Variants in ELOVL5 observed in about 807,000 individuals in gnomAD.
ELOVL5 encodes ELOVL fatty acid elongase 5, also known as very long chain fatty acid elongase 5.
In ELOVL5, 8 loss-of-function variants were observed where a neutral mutation model predicts 38.6. The ratio of observed to expected loss-of-function variants is 0.21; its 90% CI spans 0.12 to 0.37. The LOEUF is 0.37. Among genes scored for constraint, ELOVL5 ranks in the 10% least tolerant of loss-of-function variants. The probability of loss-of-function intolerance (pLI) is 1.00; values close to 1 mark genes in which losing one functional copy is unlikely to be tolerated. For missense variants in ELOVL5, 280 were observed against 367.8 expected (o/e 0.76, Z 1.95); for synonymous variants, 127 against 133.7 (o/e 0.95, Z 0.34).
chr6:53,309,123 C>T (rs1247620192), intron 1 of ELOVL5, among the ~76,000 whole-genome samples: 1 of 152,144 alleles, frequency 6.6e-6, no homozygotes, highest in African/African-American at 2.4e-5. Context: ...AGATCCATAA[C>T]ACCATTACTA....
chr6:53,324,691 A>AAAAAACAAC (rs70980840), intron 1 of ELOVL5, among the ~76,000 whole-genome samples: 1 of 118,060 alleles, frequency 8.5e-6, no homozygotes, highest in Non-Finnish European at 1.7e-5. Context: ...AAAAAAAAAA[A>AAAAAACAAC]GGAAAAGAAA....
intron 5 of ELOVL5, among the ~76,000 whole-genome samples, chr6:53,274,505 G>A (rs895977917): frequency 2.0e-5 from 3 of 152,164 alleles, no homozygotes; most frequent in African/African-American, 7.2e-5. Flanking sequence ...AAAACTCCCA[G>A]GCTGAATCTG....
intron 1 of ELOVL5, among the ~76,000 whole-genome samples, chr6:53,304,498 G>C (rs1031640748): frequency 1.3e-5 from 2 of 151,928 alleles, no homozygotes; most frequent in Admixed American, 1.3e-4. Flanking sequence ...TCGCAGAGGG[G>C]GATTTGGCAG....
intron 6 of ELOVL5, among the ~76,000 whole-genome samples, chr6:53,272,082 C>T (rs1765949443): frequency 6.6e-6 from 1 of 152,168 alleles, no homozygotes; most frequent in Non-Finnish European, 1.5e-5. Flanking sequence ...AAACATCAAA[C>T]ACTTCAGTCT....
At chr6:53,299,179 A>C (rs567471668) in intron 1 of ELOVL5, among the ~76,000 whole-genome samples, 15 of 152,374 alleles carry the variant, frequency 9.8e-5, no homozygotes, top group Admixed American at 3.3e-4. Context: ...TAGAATGATG[A>C]TATGAATATA....
chr6:53,341,796 G>A (rs1330112850), intron 1 of ELOVL5, among the ~76,000 whole-genome samples: 31 of 152,136 alleles, frequency 2.0e-4, no homozygotes, highest in Admixed American at 2.0e-3. Flanking sequence ...CTATATAACA[G>A]AGAGACGTTT....
intron 3 of ELOVL5, among the ~76,000 whole-genome samples, chr6:53,282,539 C>G (rs1766398551): frequency 6.6e-6 from 1 of 152,230 alleles, no homozygotes; most frequent in Non-Finnish European, 1.5e-5. Context: ...AGGGCAGTGT[C>G]AGATACACTA....
intron 1 of ELOVL5, among the ~76,000 whole-genome samples, chr6:53,305,692 C>G: frequency 6.6e-6 from 1 of 151,298 alleles, no homozygotes; most frequent in Non-Finnish European, 1.5e-5. Flanking sequence ...GGATGGCGGC[C>G]GGGCAGAGAC....
At chr6:53,305,454 G>A (rs1303045119) in intron 1 of ELOVL5, among the ~76,000 whole-genome samples, 88 of 151,272 alleles carry the variant, frequency 5.8e-4, no homozygotes, top group African/African-American at 2.0e-3. Context: ...CGGGGTGGCA[G>A]CCGGGCGGAG....
At chr6:53,343,881 G>C (rs756084736) in intron 1 of ELOVL5, among the ~76,000 whole-genome samples, 3 of 152,222 alleles carry the variant, frequency 2.0e-5, no homozygotes, top group Admixed American at 2.0e-4. Context: ...CCCAGCTGGT[G>C]GAAGAAGCCC....
chr6:53,284,466 T>C (rs1766489510), intron 3 of ELOVL5, among the ~76,000 whole-genome samples: 1 of 152,176 alleles, frequency 6.6e-6, no homozygotes, highest in Admixed American at 6.5e-5. Context: ...GGTAAACATC[T>C]ATGGGTAACC....
chr6:53,328,709 T>A (rs1186357145), intron 1 of ELOVL5, among the ~76,000 whole-genome samples: 12 of 152,186 alleles, frequency 7.9e-5, no homozygotes, highest in Admixed American at 7.2e-4. Context: ...AAAAGGTTGC[T>A]AGTCTGGAAG....
At position 53,267,906 on chromosome 6, in the gene ELOVL5, T is replaced by A. The variant is rs1457182853; in HGVS notation, c.*1221A>T. Reference sequence around the variant, plus strand: ...GCCTCAAATGTGTGAGATGTGATTTTATGATAAGCAGTCTATTATTTTTAA... The same window carrying A: ...GCCTCAAATGTGTGAGATGTGATTTAATGATAAGCAGTCTATTATTTTTAA... On this transcript the variant is annotated 3_prime_UTR_variant, in exon 8 of 8. Transcript: ENST00000304434. 1 of 152,222 alleles carries A rather than the reference T, an allele frequency of 6.6e-6. No homozygotes were observed. The highest frequency in any genetic ancestry group is 1.5e-5 in the Non-Finnish European group (1 of 68,030). 9.4% of individuals were successfully genotyped at this position (152,222 alleles called of 1,614,324 possible).
rs1765889373 is a variant in ELOVL5 at position 53,270,763 on chromosome 6, A to G, written c.622-36T>C. ...AGAGGGGATGCAGCTGAACAGGGACAGTGCATGGACGAGGCCCCACACCAG... is the reference window on the plus strand; with the variant it reads ...AGAGGGGATGCAGCTGAACAGGGACGGTGCATGGACGAGGCCCCACACCAG... On this transcript the variant is annotated intron_variant, in intron 6 of 7. Transcript: ENST00000304434. The G allele has an allele frequency of 3.1e-6, 5 of 1,612,726 alleles. No individual in the cohort carries two copies. In the East Asian group the frequency reaches 1.1e-4, roughly 36 times the overall value.
At chr6:53,327,852 G>A (rs1363236605) in intron 1 of ELOVL5, among the ~76,000 whole-genome samples, 3 of 151,322 alleles carry the variant, frequency 2.0e-5, no homozygotes, top group Non-Finnish European at 4.4e-5. Flanking sequence ...TTCCTCTCTC[G>A]ACTGGATGCT....
intron 4 of ELOVL5, 148 bp from the exon 5 acceptor site, chr6:53,275,409 G>A: frequency 1.4e-6 from 1 of 726,016 alleles, no homozygotes; most frequent in Non-Finnish European, 2.3e-6. Context: ...ATCAGTGGCT[G>A]GGAGCTATGG....
At chr6:53,347,240 C>G (rs1769586600) in intron 1 of ELOVL5, among the ~76,000 whole-genome samples, 2 of 131,404 alleles carry the variant, frequency 1.5e-5, no homozygotes, top group South Asian at 5.0e-4. Flanking sequence ...AGAAACAGTA[C>G]AGAAAAAGTT....
intron 1 of ELOVL5, among the ~76,000 whole-genome samples, chr6:53,301,597 A>G (rs766415096): frequency 3.3e-5 from 5 of 152,214 alleles, no homozygotes; most frequent in Non-Finnish European, 7.3e-5. Flanking sequence ...ATTACAGGTT[A>G]CAACAGGGAG....
rs1453854916 is a variant in ELOVL5 at position 53,343,573 on chromosome 6, G to GAAACA, written c.-9+5239_-9+5243dup. On this transcript the variant is annotated intron_variant, in intron 1 of 7. Coordinates refer to ENST00000304434, the MANE Select transcript of ELOVL5 (RefSeq NM_021814.5). The stretch of plus-strand genomic sequence containing the variant: ...TTCATTCTCTATCCCTGGCCAAACA[G>GAAACA]AAACAAAACAAAAATAAAAAATAAA... Among the ~76,000 whole-genome samples, 8 of 151,646 alleles carry GAAACA rather than the reference G, an allele frequency of 5.3e-5. No individual in the cohort carries two copies. The East Asian group carries it at 1.2e-3, about 22-fold the overall frequency.
Sources: gnomAD v4.1 joint callset for allele counts (sites outside exome capture counted in the v4.1 genomes callset) on GRCh38, gnomAD v4.1.1 for gene constraint, MANE v1.5 for transcripts, NCBI Gene and HGNC (gene_info 2026-07-23, HGNC 2026-07-21) for gene names.